Variants in AQR observed in about 807,000 individuals in gnomAD.
AQR encodes the protein RNA helicase aquarius.
In AQR, 61 loss-of-function variants were observed where a neutral mutation model predicts 180.5. That is an observed-to-expected ratio of 0.34 (90% CI 0.28 to 0.42). The LOEUF (loss-of-function observed/expected upper bound fraction) is 0.42, where lower values mean the gene tolerates loss of function less well. Ranked by LOEUF, AQR falls within the 10% of genes least tolerant of loss-of-function variation. The pLI, the probability that AQR is intolerant of heterozygous loss-of-function variation, is 1.00. For missense variants in AQR, 1,281 were observed against 1,798.3 expected, an observed-to-expected ratio of 0.71 and a Z score of 5.20; for synonymous variants, 551 against 588.8, an observed-to-expected ratio of 0.94 and a Z score of 0.93.
intron 11 of AQR, among the ~76,000 whole-genome samples, chr15:34,931,459 A>C (rs1487297886): frequency 6.6e-6 from 1 of 152,208 alleles, no homozygotes; most frequent in Non-Finnish European, 1.5e-5. Context: ...ACACATACCA[A>C]AATTGTATCT....
intron 31 of AQR, chr15:34,868,999 GAATA>G (rs1304066990): frequency 6.6e-6 from 1 of 152,088 alleles, no homozygotes; most frequent in Non-Finnish European, 1.5e-5. Context: ...CATTGCTCTT[GAATA>G]AATATGCAGG....
At chr15:34,898,915 C>T (rs928152339) in intron 20 of AQR, among the ~76,000 whole-genome samples, 5 of 140,464 alleles carry the variant, frequency 3.6e-5, no homozygotes. Flanking sequence ...CGCCTGTAAT[C>T]CCAGCACTTT....
chr15:34,857,013 C>T lies in AQR; in HGVS notation c.4237G>A (p.Val1413Ile), dbSNP rs1892596343. The stretch of plus-strand genomic sequence containing the variant: ...GGACTGGGTATGATGTCAGCTTGAA[C>T]AGTCATGGCCTCTTCTTCTGTTTCC... ...ELETEEEAMT[V>I]QADIIPSPTD... Residue 1413 changes from valine (V) to isoleucine (I), a missense_variant, in exon 35 of 35, where the codon GTT (valine) becomes ATT (isoleucine). Val to Ile is a conservative substitution (Grantham distance 29). Coordinates refer to ENST00000156471, the MANE Select transcript of AQR (RefSeq NM_014691.3). 1.2e-6 allele frequency: 2 copies of T among 1,614,004 alleles called. No individual in the cohort carries two copies. Among genetic ancestry groups the T allele is most frequent in the Admixed American group, 1.7e-5 (1 of 60,008 alleles).
chr15:34,857,480 T>G (rs905995699), intron 34 of AQR, among the ~76,000 whole-genome samples: 29 of 151,646 alleles, frequency 1.9e-4, no homozygotes, highest in African/African-American at 6.5e-4. Context: ...CTGGGTGCGG[T>G]GGCTCATGGT....
In AQR at chr15:34,930,289, G is replaced by T. The variant is rs747210580; in HGVS notation, c.983C>A (p.Thr328Lys). The T allele has an allele frequency of 1.2e-6, 2 of 1,605,322 alleles. No homozygotes were observed. Among genetic ancestry groups the T allele is most frequent in the Non-Finnish European group, 8.5e-7 (1 of 1,173,104 alleles). ...GNALTENEMT[T>K]IHYDRITSLQ... ...AGAAGTAATTCTATCATAGTGAATT[G>T]TGGTCATCTCATTCTCTGTCAGAGC... The change falls in exon 12 of 35, where the codon ACA (threonine) becomes AAA (lysine). Residue 328 changes from threonine (T) to lysine (K), a missense_variant. Thr to Lys is a moderately conservative substitution (Grantham distance 78, BLOSUM62 -1). Coordinates refer to ENST00000156471, the MANE Select transcript of AQR (RefSeq NM_014691.3).
At chr15:34,963,725 G>C (rs889407910) in intron 2 of AQR, among the ~76,000 whole-genome samples, 6 of 149,304 alleles carry the variant, frequency 4.0e-5, no homozygotes, top group African/African-American at 1.5e-4. Context: ...GTGCAGTGGT[G>C]CGATCTCGAC....
chr15:34,866,194 TAA>T (rs1892736338), intron 32 of AQR, among the ~76,000 whole-genome samples: 1 of 152,058 alleles, frequency 6.6e-6, no homozygotes, highest in South Asian at 2.1e-4. Flanking sequence ...AAATTCTTAT[TAA>T]AAGTTTGATA....
chr15:34,888,445 T>C (rs961319437), intron 24 of AQR, among the ~76,000 whole-genome samples: 1 of 152,070 alleles, frequency 6.6e-6, no homozygotes, highest in Non-Finnish European at 1.5e-5. Context: ...ACGCCTGTAA[T>C]CCTAGCACTT....
intron 18 of AQR, 37 bp downstream of exon 18, chr15:34,906,507 CT>C (rs1893419881): frequency 1.2e-6 from 2 of 1,605,068 alleles, no homozygotes; most frequent in Non-Finnish European, 8.5e-7. Context: ...ATTTATCATT[CT>C]ATACACATAC....
At chr15:34,895,874 C>T (rs138461055) in intron 22 of AQR, among the ~76,000 whole-genome samples, 26 of 152,142 alleles carry the variant, frequency 1.7e-4, no homozygotes, top group African/African-American at 5.8e-4. Context: ...ATTTATAGCA[C>T]AACCTACTCC....
In AQR at chr15:34,889,029, T is replaced by G. The variant is rs1595787381; in HGVS notation, c.2681+1186A>C. Reference sequence around the variant, plus strand: ...CATTGTAAAAATTCTACCCCTATTCTAATATTCTTTAAAAACCATAAATTC... The same window carrying G: ...CATTGTAAAAATTCTACCCCTATTCGAATATTCTTTAAAAACCATAAATTC... On this transcript the variant is annotated intron_variant, in intron 24 of 34. Coordinates refer to ENST00000156471, the MANE Select transcript of AQR (RefSeq NM_014691.3). Among the ~76,000 whole-genome samples, 3 of 152,344 alleles carry G rather than the reference T, an allele frequency of 2.0e-5. No homozygotes were observed. The South Asian group carries it at 6.2e-4, about 32-fold the overall frequency.
At chr15:34,955,460 G>A (rs565214509) in intron 3 of AQR, among the ~76,000 whole-genome samples, 15 of 152,246 alleles carry the variant, frequency 9.9e-5, no homozygotes, top group Non-Finnish European at 1.8e-4. Flanking sequence ...TACGAGGTCT[G>A]GAGCTGTGGC....
At chr15:34,935,787 G>A (rs1444804833) in intron 9 of AQR, among the ~76,000 whole-genome samples, 1 of 152,114 alleles carries the variant, frequency 6.6e-6, no homozygotes, top group East Asian at 1.9e-4. Context: ...CTGGAACCCT[G>A]GTTTTCTGAG....
intron 3 of AQR, among the ~76,000 whole-genome samples, chr15:34,958,994 TATAGATATAGATATAGATATAG>T (rs1566792082): frequency 2.3e-5 from 3 of 131,842 alleles, no homozygotes; most frequent in African/African-American, 9.1e-5. Context: ...TAGATATAGA[TATAGATATAGATATAGATATAG>T]ATATAGATAT....
At chr15:34,920,130 C>T (rs930078172) in intron 14 of AQR, among the ~76,000 whole-genome samples, 1 of 151,682 alleles carries the variant, frequency 6.6e-6, no homozygotes, top group Non-Finnish European at 1.5e-5. Flanking sequence ...GAAAGTAGTT[C>T]GAAGAGATAA....
chr15:34,873,063 A>G (rs1892842750), intron 30 of AQR, among the ~76,000 whole-genome samples: 1 of 151,994 alleles, frequency 6.6e-6, no homozygotes, highest in Non-Finnish European at 1.5e-5. Context: ...AGTAAATACA[A>G]TGTTATCATT....
chr15:34,905,633 G>A (rs1595792726), intron 18 of AQR, among the ~76,000 whole-genome samples: 1 of 150,400 alleles, frequency 6.6e-6, no homozygotes, highest in African/African-American at 2.5e-5. Context: ...ACGCAGGACA[G>A]TATTGTTCCC....
intron 16 of AQR, among the ~76,000 whole-genome samples, chr15:34,914,050 T>C (rs1202372930): frequency 1.3e-5 from 2 of 152,238 alleles, no homozygotes; most frequent in Non-Finnish European, 2.9e-5. Flanking sequence ...CCATAATTAG[T>C]AAGCAGAAGC....
intron 15 of AQR, among the ~76,000 whole-genome samples, chr15:34,915,465 C>T (rs189867283): frequency 2.0e-5 from 3 of 151,548 alleles, no homozygotes; most frequent in East Asian, 2.0e-4. Flanking sequence ...GCTGAGATTA[C>T]AGGCGTGAGC....
Sources: allele counts gnomAD v4.1 joint callset (sites outside exome capture counted in the v4.1 genomes callset), GRCh38; gene constraint gnomAD v4.1.1; transcripts MANE v1.5; gene names NCBI Gene and HGNC (gene_info 2026-07-23, HGNC 2026-07-21).